TOP1MT: variants seen among roughly 807,000 people sequenced by gnomAD.
TOP1MT encodes DNA topoisomerase I, mitochondrial.
A neutral mutation model predicts 73.9 loss-of-function variants in TOP1MT; 80 were observed. The observed-to-expected ratio is 1.08, with a 90% CI of 0.90 to 1.30. The LOEUF is 1.30. TOP1MT is among the 50% of genes most tolerant of loss of function. The pLI is 0.00. For synonymous variants in TOP1MT, 338 were observed against 326.4 expected, an observed-to-expected ratio of 1.04 and a Z score of -0.38; for missense variants, 815 against 808.0, an observed-to-expected ratio of 1.01 and a Z score of -0.10.
At chr8:143,339,104 G>C (rs1817030118), upstream of TOP1MT, among the ~76,000 whole-genome samples, 1 of 152,234 alleles carries the variant, frequency 6.6e-6, no homozygotes, top group African/African-American at 2.4e-5. Context: ...CCAAGGCTAT[G>C]CAGGGACTGC....
chr8:143,323,454 C>T (rs1226755985), intron 7 of TOP1MT, among the ~76,000 whole-genome samples: 2 of 122,844 alleles, frequency 1.6e-5, no homozygotes, highest in East Asian at 2.4e-4. Flanking sequence ...GCCACACGCA[C>T]GCCACACACA....
intron 1 of TOP1MT, among the ~76,000 whole-genome samples, chr8:143,351,398 C>T (rs779497141): frequency 1.5e-4 from 23 of 152,006 alleles, no homozygotes; most frequent in Admixed American, 3.9e-4. Context: ...CATGGCGAAA[C>T]CCTGTCTCTA....
At chr8:143,351,173 T>C (rs1817314000) in intron 1 of TOP1MT, among the ~76,000 whole-genome samples, 1 of 152,198 alleles carries the variant, frequency 6.6e-6, no homozygotes, top group Non-Finnish European at 1.5e-5. Flanking sequence ...TCCCCACATC[T>C]TTGTTGTATT....
intron 6 of TOP1MT, 25 bp from the exon 7 acceptor site, chr8:143,324,167 GA>G (rs1348331877): frequency 6.2e-7 from 1 of 1,610,882 alleles, no homozygotes; most frequent in Non-Finnish European, 8.5e-7. Flanking sequence ...TAACAGGAAA[GA>G]AAACATTCAC....
upstream of TOP1MT, among the ~76,000 whole-genome samples, chr8:143,357,156 C>A (rs1289592369): frequency 6.8e-6 from 1 of 147,384 alleles, no homozygotes; most frequent in Non-Finnish European, 1.5e-5. Context: ...AATCCCAGTA[C>A]TTTGGGAGGC....
chr8:143,325,281 GA>G, intron 5 of TOP1MT, 64 bp downstream of exon 5: 2 of 1,453,632 alleles, frequency 1.4e-6, no homozygotes, highest in Non-Finnish European at 1.9e-6. Context: ...AGGAGGTGAA[GA>G]AAAGCCAGCC....
At position 143,318,742 on chromosome 8, in the gene TOP1MT, G is replaced by A. The variant is rs1037233616; in HGVS notation, c.1147-656C>T. On this transcript the variant is annotated intron_variant, in intron 8 of 13. Coordinates refer to ENST00000329245, the MANE Select transcript of TOP1MT (RefSeq NM_052963.3). Reference sequence around the variant, plus strand: ...TCACCAGACACGGGCAGGAGGCCCCGCACCCCCAACTGGCCCCCTCATCAG... The same window carrying A: ...TCACCAGACACGGGCAGGAGGCCCCACACCCCCAACTGGCCCCCTCATCAG... Among the ~76,000 whole-genome samples, 10 of 152,066 alleles carry A rather than the reference G, an allele frequency of 6.6e-5. No individual in the cohort carries two copies. In the East Asian group the frequency reaches 9.7e-4, roughly 15 times the overall value.
chr8:143,339,716 G>A (rs1026134385), upstream of TOP1MT, among the ~76,000 whole-genome samples: 7 of 114,386 alleles, frequency 6.1e-5, no homozygotes, highest in South Asian at 3.3e-4. Flanking sequence ...AGCACTCCCC[G>A]CCTCCCCCAC....
rs1050582935 is a variant in TOP1MT at position 143,341,211 on chromosome 8, G to A, written c.29+2009C>T. Reference sequence around the variant, plus strand: ...GAAGCCCTTTCTCCCCTTTCTCTTCGGATATTCTTTTTTTTTTCTCAGTTT... The same window carrying A: ...GAAGCCCTTTCTCCCCTTTCTCTTCAGATATTCTTTTTTTTTTCTCAGTTT... On this transcript the variant is annotated intron_variant, in intron 2 of 5. Coordinates refer to the TOP1MT transcript ENST00000518007. The surrounding 1 kb of genome is among the most constrained non-coding windows in gnomAD (Gnocchi z 4.1). Among the ~76,000 whole-genome samples, 4 of 152,056 alleles carry A rather than the reference G, an allele frequency of 2.6e-5. No individual in the cohort carries two copies. Among genetic ancestry groups the A allele is most frequent in the South Asian group, 2.1e-4 (1 of 4,828 alleles).
rs60816119 is a variant in TOP1MT, at chr8:143,318,152, G to A, written c.1147-66C>T. Reference sequence around the variant, plus strand: ...CGAATCCAGTGAGGACCTGAAGGGCGTCTACGCAGAGCCTGGGAGCCCACG... The same window carrying A: ...CGAATCCAGTGAGGACCTGAAGGGCATCTACGCAGAGCCTGGGAGCCCACG... On this transcript the variant is annotated intron_variant, in intron 8 of 13. Transcript: ENST00000329245. 2.7e-3 allele frequency: 4,084 copies of A among 1,495,204 alleles called. 111 individuals carry two copies. The African/African-American group carries it at 0.05, about 18-fold the overall frequency. 92.6% of individuals were successfully genotyped at this position (1,495,204 alleles called of 1,614,324 possible).
At chr8:143,353,236 G>C (rs766843215) in intron 1 of TOP1MT, among the ~76,000 whole-genome samples, 2 of 152,084 alleles carry the variant, frequency 1.3e-5, no homozygotes, top group Non-Finnish European at 2.9e-5. Flanking sequence ...GCAAAATGGG[G>C]AGACCCCATC....
chr8:143,313,610 T>C (rs1288343169), intron 12 of TOP1MT, among the ~76,000 whole-genome samples: 1 of 149,104 alleles, frequency 6.7e-6, no homozygotes, highest in African/African-American at 2.5e-5. Flanking sequence ...TCCCAGCACT[T>C]TGGGAGGCCG....
At chr8:143,326,131 A>G in intron 4 of TOP1MT, 91 bp downstream of exon 4, 1 of 1,466,852 alleles carries the variant, frequency 6.8e-7, no homozygotes, top group East Asian at 2.3e-5. Flanking sequence ...GGGCTTCTCT[A>G]AGGCCACAGG....
rs1817183688 is a variant in TOP1MT at position 143,344,394 on chromosome 8, A to G, written c.-39+522T>C. 6.6e-6 allele frequency: 1 copy of G among 152,188 alleles called. No homozygotes were observed. The highest frequency in any genetic ancestry group is 1.5e-5 in the Non-Finnish European group (1 of 68,120). The allele number at this position is 152,188 out of a possible 1,614,324, so 9.4% of individuals were successfully genotyped here. A position where few individuals can be genotyped will look rare whatever the true frequency, so the allele number is the denominator to read the frequency against. ...ACACCAGAGGGACAGGCTAGGAAGC[A>G]CTCAGTAGCAGTGGCAGGAGCTCAG... On this transcript the variant is annotated intron_variant, in intron 1 of 5. Coordinates refer to the TOP1MT transcript ENST00000518007. This position sits in a 1 kb window ranked among gnomAD's most constrained non-coding sequence, Gnocchi z 4.6.
chr8:143,347,922 A>G (rs1817256158), upstream of TOP1MT, among the ~76,000 whole-genome samples: 1 of 152,182 alleles, frequency 6.6e-6, no homozygotes, highest in Non-Finnish European at 1.5e-5. Flanking sequence ...ACGCAGCTGT[A>G]GCAGCCAGGG....
At chr8:143,343,402 T>C in intron 1 of TOP1MT, 1 of 375,392 alleles carries the variant, frequency 2.7e-6, no homozygotes, top group Non-Finnish European at 5.3e-6. Flanking sequence ...TCATGACCCT[T>C]TTCTCATTTT....
chr8:143,334,520 G>A (rs561031264), intron 1 of TOP1MT, among the ~76,000 whole-genome samples: 1 of 152,360 alleles, frequency 6.6e-6, no homozygotes, highest in East Asian at 1.9e-4. Context: ...GGGTTGGTGG[G>A]GTGGTGCCTG....
At chr8:143,326,806 C>G (rs1003542963) in intron 3 of TOP1MT, among the ~76,000 whole-genome samples, 6 of 152,216 alleles carry the variant, frequency 3.9e-5, no homozygotes, top group Non-Finnish European at 7.3e-5. Context: ...AGGGCAAAGT[C>G]TCAGTCCATA....
At chr8:143,317,199 G>A (rs2129947590) in intron 10 of TOP1MT, among the ~76,000 whole-genome samples, 1 of 152,346 alleles carries the variant, frequency 6.6e-6, no homozygotes, top group African/African-American at 2.4e-5. Context: ...GAGCAGCCCG[G>A]ACATCACGGA....
Sources: gnomAD v4.1 joint callset for allele counts (sites outside exome capture counted in the v4.1 genomes callset) on GRCh38, gnomAD v4.1.1 for gene constraint, Gnocchi (gnomAD v3.1) non-coding constraint, MANE v1.5 for transcripts, NCBI Gene and HGNC (gene_info 2026-07-23, HGNC 2026-07-21) for gene names.